The following GSE1 variants were observed in gnomAD, a reference collection of about 807,000 sequenced individuals.
GSE1 encodes genetic suppressor element 1.
In GSE1, 32 loss-of-function variants were observed where a neutral mutation model predicts 112.6. The ratio of observed to expected loss-of-function variants is 0.28; its 90% CI spans 0.21 to 0.38. The LOEUF is 0.38. Ranked by LOEUF, GSE1 falls within the 10% of genes least tolerant of loss-of-function variation. GSE1 has a pLI of 1.00. For synonymous variants in GSE1, 1,115 were observed against 735.6 expected, an observed-to-expected ratio of 1.52 and a Z score of -8.35; for missense variants, 2,348 against 1,699.2, an observed-to-expected ratio of 1.38 and a Z score of -6.71.
At chr16:85,173,033 T>C (rs1048321158) in intron 1 of GSE1, among the ~76,000 whole-genome samples, 1 of 152,210 alleles carries the variant, frequency 6.6e-6, no homozygotes, top group Admixed American at 6.5e-5. Flanking sequence ...CTCGTTTTAA[T>C]TGGATGAGCA....
chr16:85,325,125 C>T (rs1302312517), intron 1 of GSE1, among the ~76,000 whole-genome samples: 3 of 152,086 alleles, frequency 2.0e-5, no homozygotes, highest in Non-Finnish European at 4.4e-5. Flanking sequence ...CATGCCACCA[C>T]ACCTGGCTAC....
At chr16:85,292,375 C>A (rs1287355567) in intron 1 of GSE1, among the ~76,000 whole-genome samples, 1 of 150,622 alleles carries the variant, frequency 6.6e-6, no homozygotes, top group Non-Finnish European at 1.5e-5. Flanking sequence ...TGTCAACAGG[C>A]TGGAGTGCAG....
At chr16:85,291,844 C>T (rs1396970307) in intron 1 of GSE1, among the ~76,000 whole-genome samples, 1 of 152,254 alleles carries the variant, frequency 6.6e-6, no homozygotes, top group African/African-American at 2.4e-5. Context: ...CAGCACAAAA[C>T]ACTCGTCCCT....
chr16:85,564,751 T>G (rs1390189350), intron 1 of GSE1, among the ~76,000 whole-genome samples: 9 of 152,076 alleles, frequency 5.9e-5, no homozygotes, highest in Non-Finnish European at 1.3e-4. Flanking sequence ...TAGGAGAGAA[T>G]GTGCAGGCAG....
intron 1 of GSE1, among the ~76,000 whole-genome samples, chr16:85,234,169 G>A (rs1275100346): frequency 6.6e-6 from 1 of 152,102 alleles, no homozygotes; most frequent in African/African-American, 2.4e-5. Context: ...AGGCCAGGAA[G>A]GTATCCACTC....
chr16:85,654,343 G>C lies in GSE1; in HGVS notation c.492G>C (p.Gln164His). The C allele has an allele frequency of 1.2e-6, 2 of 1,612,230 alleles. No homozygotes were observed. The highest frequency in any genetic ancestry group is 3.3e-5 in the Admixed American group (2 of 59,978). The part of the protein sequence containing the change: ...ERLIVEPPLP[Q>H]EKAGGPAIPS... ...TCATTGTGGAGCCCCCGCTCCCTCA[G>C]GAGAAGGCAGGGGGACCAGCCATCC... Residue 164 changes from glutamine to histidine, a missense_variant, in exon 4 of 16, where the codon CAG (glutamine) becomes CAC (histidine). Coordinates refer to ENST00000253458, the MANE Select transcript of GSE1 (RefSeq NM_014615.5).
At chr16:85,243,744 G>T (rs1905351468) in intron 1 of GSE1, among the ~76,000 whole-genome samples, 1 of 152,230 alleles carries the variant, frequency 6.6e-6, no homozygotes, top group Non-Finnish European at 1.5e-5. Context: ...CAGATTTGGG[G>T]AACATGCACA....
At chr16:85,171,722 A>T in exon 1 of GSE1, 1 of 985,616 alleles carries the variant, frequency 1.0e-6, no homozygotes, top group Non-Finnish European at 1.2e-6. Flanking sequence ...GCTTGCGTGG[A>T]GTGTGGGACC....
intron 1 of GSE1, among the ~76,000 whole-genome samples, chr16:85,348,835 T>C (rs2046795695): frequency 6.6e-6 from 1 of 152,130 alleles, no homozygotes; most frequent in East Asian, 1.9e-4. Flanking sequence ...CTTCAAGCCC[T>C]GGACCATGTG....
intron 1 of GSE1, among the ~76,000 whole-genome samples, chr16:85,250,246 T>A (rs1260587306): frequency 6.6e-6 from 1 of 152,300 alleles, no homozygotes; most frequent in Admixed American, 6.5e-5. Context: ...GGCTTGGACT[T>A]TTCCAGGGAG....
intron 1 of GSE1, among the ~76,000 whole-genome samples, chr16:85,605,392 C>T (rs1189225643): frequency 2.6e-5 from 4 of 152,068 alleles, no homozygotes; most frequent in African/African-American, 9.7e-5. Context: ...GGTCTGGCGC[C>T]GAGAAGTGCT....
chr16:85,351,540 T>A (rs1043502227), intron 1 of GSE1, among the ~76,000 whole-genome samples: 1 of 150,650 alleles, frequency 6.6e-6, no homozygotes, highest in Admixed American at 6.6e-5. Flanking sequence ...GGGCTGCTCA[T>A]AGGGATGGGG....
At chr16:85,360,950 C>A (rs2047059093) in intron 2 of GSE1, among the ~76,000 whole-genome samples, 2 of 151,998 alleles carry the variant, frequency 1.3e-5, no homozygotes, top group Non-Finnish European at 2.9e-5. Context: ...CAGACACAGA[C>A]CCTGTCTGCA....
chr16:85,452,523 G>A (rs948347925), intron 2 of GSE1, among the ~76,000 whole-genome samples: 2 of 152,226 alleles, frequency 1.3e-5, no homozygotes, highest in African/African-American at 4.8e-5. Context: ...CTACCCCGGC[G>A]GGGCCCAGAA....
At chr16:85,313,800 AC>A (rs1201100332) in intron 1 of GSE1, among the ~76,000 whole-genome samples, 15 of 152,332 alleles carry the variant, frequency 9.8e-5, no homozygotes, top group African/African-American at 3.6e-4. Context: ...GGCAATGTCC[AC>A]CCTGGGCTGC....
Position 85,516,999 on chromosome 16 carries a change from G to A in GSE1, c.2465-116915G>A, listed in dbSNP as rs946500970. The stretch of plus-strand genomic sequence containing the variant: ...TTTTTAGTAGAGACGGGGTTTCACC[G>A]TGTTAGCCAGGACGGTCTCGATCTC... On this transcript the variant is annotated intron_variant, in intron 2 of 2. Coordinates refer to the GSE1 transcript ENST00000637419. Among the ~76,000 whole-genome samples, 7 of 152,066 alleles carry A rather than the reference G, an allele frequency of 4.6e-5. No individual in the cohort carries two copies. The South Asian group carries it at 8.3e-4, about 18-fold the overall frequency.
At chr16:85,472,770 C>T (rs1036832911) in intron 2 of GSE1, among the ~76,000 whole-genome samples, 48 of 152,330 alleles carry the variant, frequency 3.2e-4, no homozygotes, top group African/African-American at 7.7e-4. Context: ...GGACAAGATC[C>T]GGGAAGCTGT....
intron 1 of GSE1, among the ~76,000 whole-genome samples, chr16:85,348,931 C>T (rs1013732509): frequency 6.6e-6 from 1 of 152,002 alleles, no homozygotes; most frequent in African/African-American, 2.4e-5. Context: ...CTGCGGCGCC[C>T]TGCCCGAGAC....
At chr16:85,638,265 G>C (rs1014910198) in intron 2 of GSE1, among the ~76,000 whole-genome samples, 2 of 152,226 alleles carry the variant, frequency 1.3e-5, no homozygotes, top group African/African-American at 4.8e-5. Flanking sequence ...GGGAAGGAGA[G>C]GAAGAGGAGG....
Sources: allele counts gnomAD v4.1 joint callset (sites outside exome capture counted in the v4.1 genomes callset), GRCh38; gene constraint gnomAD v4.1.1; transcripts MANE v1.5; gene names NCBI Gene and HGNC (gene_info 2026-07-23, HGNC 2026-07-21).